Variants in ACYP2 observed in about 807,000 individuals in gnomAD.
The protein encoded by ACYP2 is acylphosphatase-2.
A neutral mutation model predicts 11.2 loss-of-function variants in ACYP2; 12 were observed. That is an observed-to-expected ratio of 1.08 (90% CI 0.69 to 1.74). ACYP2 has a LOEUF of 1.74. Among genes scored for constraint, ACYP2 ranks in the 40% most tolerant of loss-of-function variants. The probability of loss-of-function intolerance (pLI) is 0.00; values close to 1 mark genes in which losing one functional copy is unlikely to be tolerated. For missense variants in ACYP2, 134 were observed against 101.9 expected (o/e 1.31, Z -1.35); for synonymous variants, 43 against 32.2 (o/e 1.33, Z -1.13).
At chr2:53,979,079 G>A (rs1324533733) in intron 2 of ACYP2, among the ~76,000 whole-genome samples, 1 of 151,778 alleles carries the variant, frequency 6.6e-6, no homozygotes, top group African/African-American at 2.4e-5. Flanking sequence ...AAAGGTAACT[G>A]TAAAACAGCC....
intron 6 of ACYP2, among the ~76,000 whole-genome samples, chr2:54,225,935 A>G (rs1685993806): frequency 6.6e-6 from 1 of 152,224 alleles, no homozygotes; most frequent in Non-Finnish European, 1.5e-5. Flanking sequence ...CATTGCAGAA[A>G]ATTCAGGAGA....
intron 2 of ACYP2, among the ~76,000 whole-genome samples, chr2:54,044,609 A>G (rs1157566567): frequency 6.7e-6 from 1 of 149,706 alleles, no homozygotes; most frequent in Non-Finnish European, 1.5e-5. Flanking sequence ...GCCCCTCTCA[A>G]AAAAAAAAAG....
intron 6 of ACYP2, among the ~76,000 whole-genome samples, chr2:54,189,682 TC>T (rs751056112): frequency 2.0e-5 from 3 of 152,196 alleles, no homozygotes; most frequent in Non-Finnish European, 4.4e-5. Flanking sequence ...AGTGCAGATA[TC>T]TTTACAAGGT....
chr2:54,137,403 G>A (rs1428383486), intron 5 of ACYP2, among the ~76,000 whole-genome samples: 1 of 152,070 alleles, frequency 6.6e-6, no homozygotes, highest in Admixed American at 6.6e-5. Flanking sequence ...GTACCCAAAA[G>A]TTATTTTTTT....
intron 4 of ACYP2, among the ~76,000 whole-genome samples, chr2:54,120,320 A>G (rs190672754): frequency 1.3e-5 from 2 of 152,150 alleles, no homozygotes; most frequent in Non-Finnish European, 2.9e-5. Flanking sequence ...AGTGTTTGTA[A>G]CTGTGGCCTG....
chr2:53,999,571 A>G (rs1652357127), intron 2 of ACYP2, among the ~76,000 whole-genome samples: 1 of 152,204 alleles, frequency 6.6e-6, no homozygotes, highest in African/African-American at 2.4e-5. Flanking sequence ...GCACCCTTCC[A>G]GGATGAAGCC....
intron 4 of ACYP2, among the ~76,000 whole-genome samples, chr2:54,080,824 CT>C (rs1677607617): frequency 6.6e-6 from 1 of 151,500 alleles, no homozygotes; most frequent in South Asian, 2.1e-4. Context: ...CAAGGTCTCA[CT>C]CTGTTGCCCA....
chr2:54,132,038 G>A (rs977784), intron 4 of ACYP2, among the ~76,000 whole-genome samples: 1 of 151,960 alleles, frequency 6.6e-6, no homozygotes, highest in Admixed American at 6.6e-5. Flanking sequence ...TTTTCATAAC[G>A]CTAATATTCT....
intron 6 of ACYP2, among the ~76,000 whole-genome samples, chr2:54,289,326 A>G (rs1247887829): frequency 1.3e-5 from 2 of 151,966 alleles, no homozygotes; most frequent in African/African-American, 4.8e-5. Context: ...AGATTTATTT[A>G]TGAAAACTAC....
chr2:54,231,881 C>G (rs1686252350), intron 6 of ACYP2, among the ~76,000 whole-genome samples: 1 of 152,218 alleles, frequency 6.6e-6, no homozygotes, highest in Non-Finnish European at 1.5e-5. Flanking sequence ...GGGCGCTGTA[C>G]TAAGTGATCT....
chr2:54,172,427 C>A (rs1683257839), intron 6 of ACYP2, among the ~76,000 whole-genome samples: 1 of 152,132 alleles, frequency 6.6e-6, no homozygotes, highest in Non-Finnish European at 1.5e-5. Flanking sequence ...GAATTTCCTT[C>A]TTTTCTCCAA....
At chr2:54,023,273 G>A (rs1158029734) in intron 2 of ACYP2, among the ~76,000 whole-genome samples, 1 of 152,092 alleles carries the variant, frequency 6.6e-6, no homozygotes, top group Non-Finnish European at 1.5e-5. Flanking sequence ...CCCAGAAGTG[G>A]AATTGCTAGC....
chr2:54,075,280 C>G (rs941469025), intron 4 of ACYP2, among the ~76,000 whole-genome samples: 6 of 152,106 alleles, frequency 3.9e-5, no homozygotes, highest in Admixed American at 3.9e-4. Flanking sequence ...GGGTAAATCG[C>G]TTCAGCTCAG....
intron 4 of ACYP2, among the ~76,000 whole-genome samples, chr2:54,062,023 T>A (rs1014340929): frequency 6.6e-6 from 1 of 152,190 alleles, no homozygotes; most frequent in Non-Finnish European, 1.5e-5. Flanking sequence ...GGCTTTAAAG[T>A]GTTTTGCGTA....
At chr2:54,174,998 G>T (rs1380139998) in intron 6 of ACYP2, among the ~76,000 whole-genome samples, 5 of 152,062 alleles carry the variant, frequency 3.3e-5, no homozygotes, top group Admixed American at 2.0e-4. Context: ...CTCTTTTTTT[G>T]TTGTGTCTCT....
intron 4 of ACYP2, among the ~76,000 whole-genome samples, chr2:54,085,690 C>G (rs757871661): frequency 3.9e-5 from 6 of 152,026 alleles, no homozygotes; most frequent in African/African-American, 1.4e-4. Flanking sequence ...TAAGTGAGGA[C>G]TTACTGTGTA....
chr2:54,138,973 G>A (rs1681438975), intron 6 of ACYP2, among the ~76,000 whole-genome samples: 1 of 152,142 alleles, frequency 6.6e-6, no homozygotes, highest in South Asian at 2.1e-4. Context: ...CTACTTTAAT[G>A]TTTCATTGGA....
At chr2:54,184,845 ATTTT>A (rs545856270) in intron 6 of ACYP2, among the ~76,000 whole-genome samples, 3 of 139,138 alleles carry the variant, frequency 2.2e-5, no homozygotes, top group Admixed American at 7.2e-5. Flanking sequence ...CATTTAAGCA[ATTTT>A]TTTTTTTTTT....
Position 54,051,001 on chromosome 2 carries a change from A to C in ACYP2, c.106A>C (p.Asn36His), listed in dbSNP as rs1428149110. The C allele has an allele frequency of 4.6e-5, 21 of 453,756 alleles. No homozygotes were observed. In the East Asian group the frequency reaches 6.7e-4, roughly 14 times the overall value. The allele number at this position is 453,756 out of a possible 1,614,324, so 28.1% of individuals were successfully genotyped here. A position where few individuals can be genotyped will look rare whatever the true frequency, so the allele number is the denominator to read the frequency against. Residue 36 changes from asparagine (N) to histidine (H), a missense_variant, in exon 3 of 7, where the codon AAT becomes CAT. By Grantham distance (68) the Asn-to-His change is moderately conservative (BLOSUM62 1). Coordinates refer to ENST00000607452, the MANE Select transcript of ACYP2 (RefSeq NM_001320586.2). The stretch of plus-strand genomic sequence containing the variant: ...CTACCTAGGCTGTTCTAGAACTCCT[A>C]ATGTCAAGCTATCCTCCTGCCTCGG...
Sources: allele counts gnomAD v4.1 joint callset (sites outside exome capture counted in the v4.1 genomes callset), GRCh38; gene constraint gnomAD v4.1.1; transcripts MANE v1.5; gene names NCBI Gene and HGNC (gene_info 2026-07-23, HGNC 2026-07-21).